The following FBXL7 variants were observed in gnomAD, a reference collection of about 807,000 sequenced individuals.
The protein encoded by FBXL7 is F-box/LRR-repeat protein 7.
FBXL7 carries 12 observed loss-of-function variants against 38.3 expected under a neutral mutation model. The observed-to-expected ratio is 0.31, with a 90% confidence interval of 0.20 to 0.51. The LOEUF (loss-of-function observed/expected upper bound fraction) is 0.51, where lower values mean the gene tolerates loss of function less well. Ranked by LOEUF, FBXL7 falls within the 20% of genes least tolerant of loss-of-function variation. The pLI is 0.98. For missense variants in FBXL7, 567 were observed against 676.4 expected (o/e 0.84, Z 1.79); for synonymous variants, 297 against 300.9 (o/e 0.99, Z 0.13).
At chr5:15,734,060 C>T (rs912285732) in intron 2 of FBXL7, among the ~76,000 whole-genome samples, 36 of 150,548 alleles carry the variant, frequency 2.4e-4, no homozygotes, top group Non-Finnish European at 3.7e-4. Context: ...GGTTGCAGTG[C>T]ACCAAGATTG....
At chr5:15,796,121 C>CT (rs1737410064) in intron 2 of FBXL7, among the ~76,000 whole-genome samples, 1 of 152,120 alleles carries the variant, frequency 6.6e-6, no homozygotes, top group Admixed American at 6.5e-5. Context: ...GAATGGTTTT[C>CT]TGCCATAGAA....
chr5:15,855,897 A>T (rs1739257691), intron 2 of FBXL7, among the ~76,000 whole-genome samples: 1 of 152,228 alleles, frequency 6.6e-6, no homozygotes, highest in African/African-American at 2.4e-5. Context: ...ATAAAGATAC[A>T]ATTTGAACCC....
intron 2 of FBXL7, among the ~76,000 whole-genome samples, chr5:15,913,946 C>T (rs1478339045): frequency 1.3e-5 from 2 of 152,072 alleles, no homozygotes; most frequent in East Asian, 3.9e-4. Flanking sequence ...TTGGGGAGGG[C>T]AGGGGGACAG....
intron 2 of FBXL7, among the ~76,000 whole-genome samples, chr5:15,808,231 C>T (rs568350885): frequency 7.6e-4 from 116 of 152,108 alleles, no homozygotes; most frequent in Middle Eastern, 3.4e-3. Flanking sequence ...TTTCAGATTT[C>T]CTTCATTGTC....
rs551240826 is a variant in FBXL7, at chr5:15,814,815, A to C, written c.128-113075A>C. Among the ~76,000 whole-genome samples, 4 of 152,024 alleles carry C rather than the reference A, an allele frequency of 2.6e-5. No individual in the cohort carries two copies. The South Asian group carries it at 6.2e-4, about 24-fold the overall frequency. On this transcript the variant is annotated intron_variant, in intron 2 of 3. Coordinates refer to ENST00000504595, the MANE Select transcript of FBXL7 (RefSeq NM_012304.5). ...ACAAAAACTGAAAAACTTCTTACCC[A>C]CCCCAATTGCTTACACCTTTAACAT...
intron 2 of FBXL7, among the ~76,000 whole-genome samples, chr5:15,782,239 T>G (rs562833828): frequency 1.3e-5 from 2 of 152,158 alleles, no homozygotes; most frequent in African/African-American, 4.8e-5. Context: ...TGATAGGCAT[T>G]TGGTTTTTTC....
intron 2 of FBXL7, among the ~76,000 whole-genome samples, chr5:15,628,214 A>G (rs754765381): frequency 6.6e-6 from 1 of 152,142 alleles, no homozygotes; most frequent in Non-Finnish European, 1.5e-5. Context: ...AGGGACATTT[A>G]TTCTTCTAAA....
At chr5:15,572,747 A>G (rs1420423117) in intron 1 of FBXL7, among the ~76,000 whole-genome samples, 2 of 152,164 alleles carry the variant, frequency 1.3e-5, no homozygotes, top group African/African-American at 4.8e-5. Context: ...AGGATTAGGA[A>G]GAGGACCTGG....
intron 1 of FBXL7, among the ~76,000 whole-genome samples, chr5:15,534,409 C>A (rs545701836): frequency 6.6e-6 from 1 of 152,262 alleles, no homozygotes; most frequent in East Asian, 1.9e-4. Flanking sequence ...TAGTTGAAAT[C>A]ATATAGTATG....
At chr5:15,931,951 A>G (rs182295512) in intron 3 of FBXL7, among the ~76,000 whole-genome samples, 76 of 152,322 alleles carry the variant, frequency 5.0e-4, no homozygotes, top group Non-Finnish European at 9.1e-4. Context: ...CCTTTTGGGT[A>G]CAGAAAGCTA....
At chr5:15,885,277 C>T (rs571051424) in intron 2 of FBXL7, among the ~76,000 whole-genome samples, 51 of 152,240 alleles carry the variant, frequency 3.3e-4, no homozygotes, top group African/African-American at 1.1e-3. Flanking sequence ...GGTTCCAGCA[C>T]GGCATCTTGC....
chr5:15,535,865 C>G (rs1229449979), intron 1 of FBXL7, among the ~76,000 whole-genome samples: 1 of 152,206 alleles, frequency 6.6e-6, no homozygotes, highest in Non-Finnish European at 1.5e-5. Flanking sequence ...ATGTTAATTG[C>G]CAAGATGATG....
At chr5:15,693,825 C>A (rs2126625652) in intron 2 of FBXL7, among the ~76,000 whole-genome samples, 1 of 152,266 alleles carries the variant, frequency 6.6e-6, no homozygotes, top group African/African-American at 2.4e-5. Context: ...CAGGGTAAGA[C>A]CACCTTCCCA....
intron 2 of FBXL7, among the ~76,000 whole-genome samples, chr5:15,731,591 G>A (rs1735585982): frequency 6.6e-6 from 1 of 150,550 alleles, no homozygotes; most frequent in African/African-American, 2.4e-5. Flanking sequence ...GCTTTGGGAT[G>A]AAAAAAAAAT....
intron 1 of FBXL7, among the ~76,000 whole-genome samples, chr5:15,570,368 T>A (rs1371947945): frequency 3.3e-5 from 5 of 152,246 alleles, no homozygotes; most frequent in African/African-American, 1.2e-4. Context: ...ATTTTCTAGT[T>A]TATTTGCATA....
intron 1 of FBXL7, among the ~76,000 whole-genome samples, chr5:15,606,538 T>C (rs906193834): frequency 1.3e-5 from 2 of 152,194 alleles, no homozygotes; most frequent in African/African-American, 4.8e-5. Flanking sequence ...GATGGTTTGG[T>C]GTAAAGAAAG....
chr5:15,799,957 A>G (rs545714274), intron 2 of FBXL7, among the ~76,000 whole-genome samples: 3 of 152,212 alleles, frequency 2.0e-5, no homozygotes, highest in African/African-American at 7.2e-5. Flanking sequence ...TTTAATTACT[A>G]AAATCACGGT....
intron 2 of FBXL7, among the ~76,000 whole-genome samples, chr5:15,726,236 A>G (rs1744348294): frequency 6.6e-6 from 1 of 152,022 alleles, no homozygotes; most frequent in Non-Finnish European, 1.5e-5. Context: ...CTCACTTTCA[A>G]TCTGTTTATA....
intron 2 of FBXL7, among the ~76,000 whole-genome samples, chr5:15,778,396 G>A (rs1736911024): frequency 6.6e-6 from 1 of 152,008 alleles, no homozygotes; most frequent in Non-Finnish European, 1.5e-5. Context: ...CTCTTCATTT[G>A]TGGTACCATA....
Sources: gnomAD v4.1 joint callset for allele counts (sites outside exome capture counted in the v4.1 genomes callset) on GRCh38, gnomAD v4.1.1 for gene constraint, MANE v1.5 for transcripts, NCBI Gene and HGNC (gene_info 2026-07-23, HGNC 2026-07-21) for gene names.